Variants in RANBP3 observed in about 807,000 individuals in gnomAD.
The protein encoded by RANBP3 is RAN binding protein 3.
A neutral mutation model predicts 77.3 loss-of-function variants in RANBP3; 14 were observed. The ratio of observed to expected loss-of-function variants is 0.18; its 90% CI spans 0.12 to 0.28. The LOEUF is 0.28. Among genes scored for constraint, RANBP3 ranks in the 10% least tolerant of loss-of-function variants. RANBP3 has a pLI of 1.00. For missense variants in RANBP3, 586 were observed against 752.3 expected, an observed-to-expected ratio of 0.78 and a Z score of 2.59; for synonymous variants, 315 against 312.4, an observed-to-expected ratio of 1.01 and a Z score of -0.09.
intron 3 of RANBP3, 84 bp downstream of exon 3, chr19:5,951,309 G>T: frequency 1.6e-6 from 2 of 1,267,278 alleles, no homozygotes; most frequent in Non-Finnish European, 2.2e-6. Flanking sequence ...CTAGGGCCAG[G>T]ATCTGAGGGA....
chr19:5,947,547 G>A (rs1014220922), intron 3 of RANBP3, among the ~76,000 whole-genome samples: 7 of 152,124 alleles, frequency 4.6e-5, no homozygotes, highest in Admixed American at 4.6e-4. Context: ...ACACCATGAT[G>A]ACAACATCCC....
At position 5,978,122 on chromosome 19, in the gene RANBP3, C is replaced by G; in HGVS notation, c.-40G>C. 1 of 1,594,368 alleles carries G rather than the reference C, an allele frequency of 6.3e-7. No homozygotes were observed. Among genetic ancestry groups the G allele is most frequent in the Non-Finnish European group, 8.5e-7 (1 of 1,172,096 alleles). ...CCCTCCCACAAGGCCCCGCGCCGGC[C>G]CAGGCTCGCCTGCTTTCTGCCAGAA... is the stretch of plus-strand genomic sequence containing the variant. On this transcript the variant is annotated 5_prime_UTR_variant, in exon 1 of 17. Coordinates refer to ENST00000340578, the MANE Select transcript of RANBP3 (RefSeq NM_007322.3).
Position 5,978,068 on chromosome 19 carries a change from C to T in RANBP3, c.15G>A (p.Ala5=), listed in dbSNP as rs371691343. The change falls in exon 1 of 17, where the codon GCG becomes GCA. Residue 5 remains alanine (A), a synonymous_variant. Coordinates refer to ENST00000340578, the MANE Select transcript of RANBP3 (RefSeq NM_007322.3). ...CAACGGCGCCTCCCCTACCTTCGTTCGCCAGGTCCGCCATTTTACTTCCTT... is the reference window on the plus strand; with the variant it reads ...CAACGGCGCCTCCCCTACCTTCGTTTGCCAGGTCCGCCATTTTACTTCCTT... MADL[A]NEEKPAIAPP... is the part of the protein sequence containing the mutation. 3 of 1,610,920 alleles carry T rather than the reference C, an allele frequency of 1.9e-6. No homozygotes were observed. The highest frequency in any genetic ancestry group is 2.5e-6 in the Non-Finnish European group (3 of 1,178,794).
At position 5,921,577 on chromosome 19, in the gene RANBP3, G is replaced by A. The variant is rs1042892540; in HGVS notation, c.1210-256C>T. Among the ~76,000 whole-genome samples, 2 of 152,230 alleles carry A rather than the reference G, an allele frequency of 1.3e-5. No individual in the cohort carries two copies. Among genetic ancestry groups the A allele is most frequent in the Non-Finnish European group, 2.9e-5 (2 of 68,034 alleles). On this transcript the variant is annotated intron_variant, in intron 13 of 16. Coordinates refer to ENST00000340578, the MANE Select transcript of RANBP3 (RefSeq NM_007322.3). This position sits in a 1 kb window ranked among gnomAD's most constrained non-coding sequence, Gnocchi z 5.3. ...TGAGAAGCCTCTCTGCGCACTCTAG[G>A]ACGGCTATACCCATGTGGGGAAGCT... is the stretch of plus-strand genomic sequence containing the variant.
chr19:5,924,783 G>A lies in RANBP3; in HGVS notation c.996+44C>T, dbSNP rs770816881. On this transcript the variant is annotated intron_variant, in intron 11 of 16. Coordinates refer to ENST00000340578, the MANE Select transcript of RANBP3 (RefSeq NM_007322.3). The surrounding 1 kb of genome is among the most constrained non-coding windows in gnomAD (Gnocchi z 4.7). ...GTCCCCTTGACCTGTGGCTGGCGCCGAGAGCCTCTGGTCCCTGAGAACATT... is the reference window on the plus strand; with the variant it reads ...GTCCCCTTGACCTGTGGCTGGCGCCAAGAGCCTCTGGTCCCTGAGAACATT... 20 of 1,573,980 alleles carry A rather than the reference G, an allele frequency of 1.3e-5. No homozygotes were observed. Among genetic ancestry groups the A allele is most frequent in the Admixed American group, 1.2e-4 (7 of 59,960 alleles).
intron 7 of RANBP3, among the ~76,000 whole-genome samples, chr19:5,932,077 T>C (rs934607440): frequency 1.3e-5 from 2 of 152,034 alleles, no homozygotes; most frequent in African/African-American, 4.8e-5. Flanking sequence ...ACCTTTCAAG[T>C]TTTTAAAGAT....
At chr19:5,968,672 C>G (rs1183561588) in intron 1 of RANBP3, among the ~76,000 whole-genome samples, 1 of 152,200 alleles carries the variant, frequency 6.6e-6, no homozygotes, top group Non-Finnish European at 1.5e-5. Context: ...ACACTCAAGG[C>G]AAACGCTCAG....
rs981451270 is a variant in RANBP3, at chr19:5,924,011, GC to G, written c.997-98del. 3.2e-6 allele frequency: 3 copies of G among 937,040 alleles called. No homozygotes were observed. The highest frequency in any genetic ancestry group is 2.0e-5 in the Admixed American group (1 of 49,824). 58.0% of individuals were successfully genotyped at this position (937,040 alleles called of 1,614,324 possible). On this transcript the variant is annotated intron_variant, in intron 11 of 16. Coordinates refer to ENST00000340578, the MANE Select transcript of RANBP3 (RefSeq NM_007322.3). The surrounding 1 kb of genome is among the most constrained non-coding windows in gnomAD (Gnocchi z 4.7). ...TCTGCCTGGCCCCCAACACTACGCT[GC>G]CCCCAGCACTCCTGCCCACTCCCGG... is the stretch of plus-strand genomic sequence containing the variant.
intron 1 of RANBP3, among the ~76,000 whole-genome samples, chr19:5,969,799 G>A (rs1379886162): frequency 6.6e-6 from 1 of 152,256 alleles, no homozygotes; most frequent in African/African-American, 2.4e-5. Context: ...ATTCTGTCAG[G>A]TCCTCACCCT....
At chr19:5,932,607 A>G in intron 6 of RANBP3, 63 bp from the exon 7 acceptor site, 1 of 1,345,454 alleles carries the variant, frequency 7.4e-7, no homozygotes, top group Non-Finnish European at 1.1e-6. Flanking sequence ...GGCGCTTCAG[A>G]GACTGACCCC....
intron 1 of RANBP3, among the ~76,000 whole-genome samples, chr19:5,971,203 C>G (rs906880744): frequency 7.2e-5 from 11 of 152,114 alleles, no homozygotes; most frequent in Middle Eastern, 3.4e-3. Context: ...TAATAAACTC[C>G]AGAAAGGTTT....
chr19:5,961,862 G>T (rs1366481414), intron 1 of RANBP3, among the ~76,000 whole-genome samples: 2 of 151,992 alleles, frequency 1.3e-5, no homozygotes, highest in Non-Finnish European at 2.9e-5. Context: ...GCACTGAAAA[G>T]CCCGCTGTCG....
chr19:5,973,531 C>G (rs1158809919), intron 1 of RANBP3, among the ~76,000 whole-genome samples: 1 of 152,116 alleles, frequency 6.6e-6, no homozygotes, highest in Non-Finnish European at 1.5e-5. Flanking sequence ...ATTACCTGGC[C>G]CCAGATGTCT....
chr19:5,960,568 T>C (rs1316761254), intron 1 of RANBP3, among the ~76,000 whole-genome samples: 1 of 152,142 alleles, frequency 6.6e-6, no homozygotes, highest in African/African-American at 2.4e-5. Context: ...TGGCACACTT[T>C]ATGGATTCAA....
chr19:5,917,185 A>T lies in RANBP3; in HGVS notation c.*425T>A. The T allele has an allele frequency of 3.9e-6, 1 of 257,574 alleles. No homozygotes were observed. The allele number at this position is 257,574 out of a possible 1,614,324, so 16.0% of individuals were successfully genotyped here. A position where few individuals can be genotyped will look rare whatever the true frequency, so the allele number is the denominator to read the frequency against. On this transcript the variant is annotated 3_prime_UTR_variant, in exon 17 of 17. Coordinates refer to ENST00000340578, the MANE Select transcript of RANBP3 (RefSeq NM_007322.3). ...GTTGGGGAGCCCTGGGCAGGGGCAG[A>T]GGGCTGGCTGCTCCCCACAAAGGCA...
intron 1 of RANBP3, among the ~76,000 whole-genome samples, chr19:5,975,736 TG>T (rs2058582913): frequency 6.7e-6 from 1 of 149,848 alleles, no homozygotes; most frequent in African/African-American, 2.5e-5. Flanking sequence ...TTGAAATAGG[TG>T]GCCAGAGAAG....
At chr19:5,939,177 G>A (rs1481703758) in intron 5 of RANBP3, among the ~76,000 whole-genome samples, 1 of 152,166 alleles carries the variant, frequency 6.6e-6, no homozygotes, top group Non-Finnish European at 1.5e-5. Flanking sequence ...AAGAGTGAAA[G>A]TCTGTCTAAA....
chr19:5,966,192 C>T (rs2145253763), intron 1 of RANBP3, among the ~76,000 whole-genome samples: 1 of 152,350 alleles, frequency 6.6e-6, no homozygotes, highest in East Asian at 1.9e-4. Context: ...AATAAAGTAG[C>T]TGTCAGTTGC....
intron 10 of RANBP3, 188 bp from the exon 11 acceptor site, chr19:5,925,093 T>C: frequency 1.7e-6 from 1 of 605,020 alleles, no homozygotes; most frequent in East Asian, 2.9e-5. Context: ...CATTAACCCT[T>C]AGCTCGCCCT....
Sources: allele counts gnomAD v4.1 joint callset (sites outside exome capture counted in the v4.1 genomes callset), GRCh38; gene constraint gnomAD v4.1.1; non-coding constraint Gnocchi (gnomAD v3.1); transcripts MANE v1.5; gene names NCBI Gene and HGNC (gene_info 2026-07-23, HGNC 2026-07-21).